Variants in C9 observed in about 807,000 individuals in gnomAD.
C9 encodes complement component C9.
A neutral mutation model predicts 65.4 loss-of-function variants in C9; 63 were observed. The observed-to-expected ratio is 0.96, with a 90% confidence interval of 0.79 to 1.19. The LOEUF is 1.19. C9 is among the 50% of genes most tolerant of loss of function. The probability of loss-of-function intolerance (pLI) is 0.00; values close to 1 mark genes in which losing one functional copy is unlikely to be tolerated. For missense variants in C9, 744 were observed against 670.1 expected, an observed-to-expected ratio of 1.11 and a Z score of -1.22; for synonymous variants, 229 against 227.9, an observed-to-expected ratio of 1.00 and a Z score of -0.04.
In C9 at chr5:39,331,787, T is replaced by G. The variant is rs1753845389; in HGVS notation, c.504A>C (p.Leu168=). ...YGINILGMDP[L]STPFDNEFYN... is the part of the protein sequence containing the mutation. ...AGAACTCATTGTCAAAAGGTGTGCTTAGGGGATCCATCCCTAAAATGTTGA... is the reference window on the plus strand; with the variant it reads ...AGAACTCATTGTCAAAAGGTGTGCTGAGGGGATCCATCCCTAAAATGTTGA... Residue 168 remains leucine (L), a synonymous_variant, in exon 5 of 11, where the codon CTA becomes CTC. Coordinates refer to ENST00000263408, the MANE Select transcript of C9 (RefSeq NM_001737.5). 2 of 1,613,420 alleles carry G rather than the reference T, an allele frequency of 1.2e-6. No individual in the cohort carries two copies. The highest frequency in any genetic ancestry group is 1.3e-5 in the African/African-American group (1 of 74,908).
chr5:39,329,107 T>C (rs1466196000), intron 5 of C9, among the ~76,000 whole-genome samples: 5 of 152,108 alleles, frequency 3.3e-5, no homozygotes, highest in Non-Finnish European at 5.9e-5. Context: ...ACAACAAAAG[T>C]GAAGAAACAA....
intron 1 of C9, among the ~76,000 whole-genome samples, chr5:39,348,084 C>G (rs1370755469): frequency 6.6e-6 from 1 of 152,088 alleles, no homozygotes; most frequent in Non-Finnish European, 1.5e-5. Context: ...AAAACCCAGG[C>G]AATACCATTC....
rs1754081925 is a variant in C9 at position 39,341,500 on chromosome 5, T to C, written c.328+56A>G. 7.5e-6 allele frequency: 12 copies of C among 1,596,662 alleles called. No individual in the cohort carries two copies. In the South Asian group the frequency reaches 1.3e-4, roughly 18 times the overall value. ...AGAAGCATATGCTTTTTTTTTTCTT[T>C]TCATTCAGGAAGGCACACAGAAAGC... On this transcript the variant is annotated intron_variant, in intron 3 of 10. Transcript: ENST00000263408.
chr5:39,311,204 G>A lies in C9; in HGVS notation c.1044C>T (p.Ser348=), dbSNP rs1298252028. 1 of 1,612,734 alleles carries A rather than the reference G, an allele frequency of 6.2e-7. No homozygotes were observed. Among genetic ancestry groups the A allele is most frequent in the Non-Finnish European group, 8.5e-7 (1 of 1,178,764 alleles). ...FLETYGTHYS[S]SGSLGGLYEL... is the part of the protein sequence containing the mutation. ...CATAGAGTCCTCCTAGAGACCCAGAGCTACTGTAGTGAGTTCCATAGGTTT... is the reference window on the plus strand; with the variant it reads ...CATAGAGTCCTCCTAGAGACCCAGAACTACTGTAGTGAGTTCCATAGGTTT... Residue 348 remains serine, a synonymous_variant, in exon 7 of 11, where the codon AGC becomes AGT. Transcript: ENST00000263408.
chr5:39,348,066 C>T (rs1196038190), intron 1 of C9, among the ~76,000 whole-genome samples: 1 of 151,944 alleles, frequency 6.6e-6, no homozygotes, highest in East Asian at 1.9e-4. Context: ...CCATAAAAAC[C>T]TTAGAAGAAA....
chr5:39,333,747 G>A (rs925595102), intron 4 of C9, among the ~76,000 whole-genome samples: 2 of 151,762 alleles, frequency 1.3e-5, no homozygotes, highest in Admixed American at 1.3e-4. Flanking sequence ...GAGTGCCTGC[G>A]ATTGCAGGCG....
intron 9 of C9, among the ~76,000 whole-genome samples, chr5:39,295,865 C>T (rs975155778): frequency 3.3e-5 from 5 of 151,492 alleles, no homozygotes; most frequent in African/African-American, 9.7e-5. Context: ...AACAGAGAAC[C>T]GGAAATTAAT....
chr5:39,288,233 T>C (rs1049868990), intron 10 of C9, among the ~76,000 whole-genome samples: 1 of 151,806 alleles, frequency 6.6e-6, no homozygotes, highest in African/African-American at 2.4e-5. Context: ...ATCTGAGTAG[T>C]AGAAGAGAGA....
intron 9 of C9, among the ~76,000 whole-genome samples, chr5:39,290,150 G>A (rs1022473070): frequency 1.3e-5 from 2 of 151,856 alleles, no homozygotes; most frequent in Admixed American, 6.6e-5. Flanking sequence ...AATGGAGGAG[G>A]AAGTTGGGAA....
chr5:39,321,707 T>G (rs1753669963), intron 5 of C9, among the ~76,000 whole-genome samples: 1 of 152,068 alleles, frequency 6.6e-6, no homozygotes, highest in African/African-American at 2.4e-5. Context: ...AGAGCAGGGA[T>G]AGCTAAACAT....
intron 10 of C9, among the ~76,000 whole-genome samples, chr5:39,288,211 G>A (rs1204582478): frequency 1.3e-5 from 2 of 151,724 alleles, no homozygotes; most frequent in East Asian, 3.9e-4. Flanking sequence ...CCAACTTAAT[G>A]AAAGTGACTG....
intron 6 of C9, among the ~76,000 whole-genome samples, chr5:39,312,260 GAAACT>G (rs1438993568): frequency 6.6e-6 from 1 of 152,138 alleles, no homozygotes; most frequent in African/African-American, 2.4e-5. Context: ...CAAAACTCAT[GAAACT>G]ATACACTTAA....
intron 10 of C9, 22 bp downstream of exon 10, chr5:39,288,701 A>G (rs986013993): frequency 7.3e-7 from 1 of 1,374,620 alleles, no homozygotes; most frequent in African/African-American, 1.4e-5. Flanking sequence ...GTCTTTAATC[A>G]CATCAAATAA....
rs947907484 is a variant in C9, at chr5:39,289,989, C to T, written c.1417-1038G>A. 3.3e-5 allele frequency among the ~76,000 whole-genome samples: 5 copies of T among 151,880 alleles called. No homozygotes were observed. The South Asian group carries it at 6.2e-4, about 19-fold the overall frequency. ...GAAGTAAAAGTATTTATTTGGCACA[C>T]TCAAATTCCTGCAGTAAGATACACA... On this transcript the variant is annotated intron_variant, in intron 9 of 10. Transcript: ENST00000263408.
intron 1 of C9, among the ~76,000 whole-genome samples, chr5:39,352,135 G>T (rs981172851): frequency 7.9e-5 from 12 of 152,184 alleles, no homozygotes; most frequent in African/African-American, 2.9e-4. Flanking sequence ...AGAGTGAAGG[G>T]AGAAGTACTA....
chr5:39,289,804 T>A (rs987259274), intron 9 of C9, among the ~76,000 whole-genome samples: 1 of 151,768 alleles, frequency 6.6e-6, no homozygotes, highest in Non-Finnish European at 1.5e-5. Context: ...GTAAATTATA[T>A]CTCCATTTCC....
chr5:39,348,683 AG>A lies in C9; in HGVS notation c.78-6488del, dbSNP rs888880565. On this transcript the variant is annotated intron_variant, in intron 1 of 10. Transcript: ENST00000263408. ...ATCCCATTACTGGGTATATACCCAA[AG>A]GATTATAAGTCATGCTGCTATAAAG... Among the ~76,000 whole-genome samples the A allele has an allele frequency of 4.3e-4, 66 of 152,362 alleles. 1 individual carries two copies. The highest frequency in any genetic ancestry group is 1.4e-3 in the African/African-American group (57 of 41,584).
At chr5:39,338,223 T>C (rs1754006395) in intron 4 of C9, among the ~76,000 whole-genome samples, 1 of 152,238 alleles carries the variant, frequency 6.6e-6, no homozygotes, top group African/African-American at 2.4e-5. Context: ...GTTTCATTTT[T>C]TAAGGTTAGT....
chr5:39,333,679 C>T (rs1183224608), intron 4 of C9, among the ~76,000 whole-genome samples: 2 of 125,628 alleles, frequency 1.6e-5, no homozygotes, highest in African/African-American at 2.7e-5. Context: ...CTGGACTGTA[C>T]TGCCGCCATC....
Sources: gnomAD v4.1 joint callset for allele counts (sites outside exome capture counted in the v4.1 genomes callset) on GRCh38, gnomAD v4.1.1 for gene constraint, MANE v1.5 for transcripts, NCBI Gene and HGNC (gene_info 2026-07-23, HGNC 2026-07-21) for gene names.